Variants in ITFG1 observed in about 807,000 individuals in gnomAD.
ITFG1 encodes the protein integrin alpha FG-GAP repeat containing 1.
Under a neutral mutation model 81.8 loss-of-function variants are expected in ITFG1, and 34 were observed. That is an observed-to-expected ratio of 0.42 (90% CI 0.32 to 0.55). The LOEUF is 0.55. Ranked by LOEUF, ITFG1 falls within the 20% of genes least tolerant of loss-of-function variation. The probability of loss-of-function intolerance (pLI) is 0.17; values close to 1 mark genes in which losing one functional copy is unlikely to be tolerated. For synonymous variants in ITFG1, 285 were observed against 270.6 expected, an observed-to-expected ratio of 1.05 and a Z score of -0.52; for missense variants, 672 against 755.4, an observed-to-expected ratio of 0.89 and a Z score of 1.29.
chr16:47,164,462 A>G (rs944245021), intron 14 of ITFG1, among the ~76,000 whole-genome samples: 23 of 152,384 alleles, frequency 1.5e-4, no homozygotes, highest in African/African-American at 5.0e-4. Context: ...TTTCCTGCTT[A>G]CGCAGGGCTT....
chr16:47,402,977 A>C (rs1160087023), intron 6 of ITFG1, among the ~76,000 whole-genome samples: 2 of 152,354 alleles, frequency 1.3e-5, no homozygotes, highest in Admixed American at 1.3e-4. Context: ...TATTATAATA[A>C]GAAAAATAAC....
intron 14 of ITFG1, among the ~76,000 whole-genome samples, chr16:47,186,328 T>C (rs1470403251): frequency 6.6e-6 from 1 of 152,174 alleles, no homozygotes; most frequent in Non-Finnish European, 1.5e-5. Flanking sequence ...TTTAGACCAA[T>C]ATCCTTGATG....
intron 14 of ITFG1, among the ~76,000 whole-genome samples, chr16:47,206,565 A>C (rs1965502428): frequency 1.3e-5 from 2 of 152,180 alleles, no homozygotes. Flanking sequence ...ACCAGAATCT[A>C]CTTTCTGTCT....
chr16:47,282,203 T>C (rs1966458143), intron 10 of ITFG1, among the ~76,000 whole-genome samples: 1 of 151,888 alleles, frequency 6.6e-6, no homozygotes, highest in Non-Finnish European at 1.5e-5. Context: ...GTACAATATA[T>C]ACTACTGTAC....
At chr16:47,337,600 G>A (rs908414625) in intron 8 of ITFG1, among the ~76,000 whole-genome samples, 3 of 152,154 alleles carry the variant, frequency 2.0e-5, no homozygotes, top group African/African-American at 7.2e-5. Context: ...GAATCACAAT[G>A]CATGGCTTTT....
intron 11 of ITFG1, 127 bp from the exon 12 acceptor site, chr16:47,258,867 A>G: frequency 6.1e-6 from 3 of 490,284 alleles, no homozygotes; most frequent in Non-Finnish European, 1.1e-5. Flanking sequence ...CCTCATGTTT[A>G]AAATAAAATC....
At chr16:47,275,439 A>T (rs1485963032) in intron 10 of ITFG1, among the ~76,000 whole-genome samples, 1 of 152,180 alleles carries the variant, frequency 6.6e-6, no homozygotes, top group Non-Finnish European at 1.5e-5. Context: ...TATATGAGAG[A>T]GTTGCATCAC....
chr16:47,293,407 T>C (rs908115739), intron 10 of ITFG1, among the ~76,000 whole-genome samples: 29 of 152,066 alleles, frequency 1.9e-4, no homozygotes, highest in African/African-American at 6.3e-4. Flanking sequence ...TAGTTCTATT[T>C]TTAGTTCTTT....
rs544177523 is a variant in ITFG1 at position 47,318,316 on chromosome 16, A to C, written c.803-4493T>G. ...ATCTTTGAGATGGTTTCATAATGGT[A>C]AATCTGTATTTGTGTCATATAGAGA... On this transcript the variant is annotated intron_variant, in intron 8 of 17. Transcript: ENST00000320640. 1.6e-4 allele frequency among the ~76,000 whole-genome samples: 24 copies of C among 152,324 alleles called. No homozygotes were observed. The South Asian group carries it at 4.6e-3, about 29-fold the overall frequency.
At chr16:47,431,184 G>T (rs939772261) in intron 5 of ITFG1, among the ~76,000 whole-genome samples, 1 of 152,190 alleles carries the variant, frequency 6.6e-6, no homozygotes, top group Non-Finnish European at 1.5e-5. Flanking sequence ...GAGACAAAAG[G>T]GAGTGATTGC....
chr16:47,387,938 A>G (rs917543356), intron 6 of ITFG1, among the ~76,000 whole-genome samples: 1 of 144,254 alleles, frequency 6.9e-6, no homozygotes, highest in African/African-American at 2.5e-5. Context: ...CAAATATGTT[A>G]AAAAAAAAAA....
chr16:47,207,017 T>C (rs1282126071), intron 14 of ITFG1, among the ~76,000 whole-genome samples: 1 of 152,250 alleles, frequency 6.6e-6, no homozygotes, highest in Non-Finnish European at 1.5e-5. Flanking sequence ...ATTTATTCAG[T>C]ATTATGATAG....
intron 8 of ITFG1, among the ~76,000 whole-genome samples, chr16:47,339,060 C>T (rs1353050282): frequency 1.3e-5 from 2 of 152,196 alleles, no homozygotes; most frequent in African/African-American, 4.8e-5. Context: ...CCAAGTTTGT[C>T]TTTCTGTGCC....
chr16:47,428,780 A>G (rs1405146825), intron 6 of ITFG1, 24 bp downstream of exon 6: 4 of 1,454,630 alleles, frequency 2.7e-6, no homozygotes, highest in African/African-American at 2.8e-5. Context: ...ACTCAAAACA[A>G]TTCCAGATTT....
In ITFG1 at chr16:47,362,713, TC is replaced by T. The variant is rs1362258094; in HGVS notation, c.802+3074del. Reference sequence around the variant, plus strand: ...TGTACCCTTTCTCAGCTTAGGATAATCTATGTTTCCACAAGACTTATTAGCA... The same window carrying T: ...TGTACCCTTTCTCAGCTTAGGATAATTATGTTTCCACAAGACTTATTAGCA... On this transcript the variant is annotated intron_variant, in intron 8 of 17. Transcript: ENST00000320640. Among the ~76,000 whole-genome samples the T allele has an allele frequency of 6.6e-5, 10 of 152,340 alleles. No homozygotes were observed. In the East Asian group the frequency reaches 1.7e-3, roughly 26 times the overall value.
chr16:47,379,356 A>G (rs1385750770), intron 6 of ITFG1, among the ~76,000 whole-genome samples: 1 of 152,100 alleles, frequency 6.6e-6, no homozygotes, highest in Admixed American at 6.5e-5. Context: ...AACCAACAAT[A>G]GTTGATACCA....
intron 14 of ITFG1, among the ~76,000 whole-genome samples, chr16:47,214,856 T>G (rs913508059): frequency 2.6e-5 from 4 of 151,632 alleles, no homozygotes; most frequent in African/African-American, 9.7e-5. Flanking sequence ...CTGGCAGTGG[T>G]TTTCAAACTT....
chr16:47,353,147 C>T (rs1967989581), intron 8 of ITFG1, among the ~76,000 whole-genome samples: 1 of 151,864 alleles, frequency 6.6e-6, no homozygotes, highest in Non-Finnish European at 1.5e-5. Context: ...CAAGATGGCA[C>T]ATGTAGACAT....
intron 13 of ITFG1, among the ~76,000 whole-genome samples, chr16:47,230,550 A>C (rs1965804742): frequency 6.6e-6 from 1 of 152,156 alleles, no homozygotes; most frequent in African/African-American, 2.4e-5. Flanking sequence ...CTGCTGAAGG[A>C]AAGACACCAG....
Sources: gnomAD v4.1 joint callset for allele counts (sites outside exome capture counted in the v4.1 genomes callset) on GRCh38, gnomAD v4.1.1 for gene constraint, MANE v1.5 for transcripts, NCBI Gene and HGNC (gene_info 2026-07-23, HGNC 2026-07-21) for gene names.